TYR: variants seen among roughly 807,000 people sequenced by gnomAD.
TYR encodes tyrosinase, also known as LB24-AB.
A neutral mutation model predicts 51.5 loss-of-function variants in TYR; 58 were observed. The observed-to-expected ratio is 1.13, with a 90% CI of 0.91 to 1.40. The LOEUF is 1.40. Ranked by LOEUF, TYR falls within the 40% of genes most tolerant of loss-of-function variation. TYR has a pLI of 0.00. For synonymous variants in TYR, 263 were observed against 235.2 expected (o/e 1.12, Z -1.08); for missense variants, 732 against 647.4 (o/e 1.13, Z -1.42).
At chr11:89,224,594 T>C (rs1183238330) in intron 2 of TYR, among the ~76,000 whole-genome samples, 1 of 152,178 alleles carries the variant, frequency 6.6e-6, no homozygotes, top group Non-Finnish European at 1.5e-5. Flanking sequence ...CTTTTCCAAA[T>C]GAATCTGATT....
chr11:89,292,197 C>T (rs1388877991), intron 4 of TYR, among the ~76,000 whole-genome samples: 1 of 151,934 alleles, frequency 6.6e-6, no homozygotes, highest in Non-Finnish European at 1.5e-5. Flanking sequence ...TCCACAGCTG[C>T]CATTCAGGGA....
intron 3 of TYR, among the ~76,000 whole-genome samples, chr11:89,243,138 C>T (rs560007709): frequency 7.2e-5 from 11 of 152,232 alleles, no homozygotes; most frequent in East Asian, 5.8e-4. Context: ...TATTCCAGAG[C>T]GGGCATGGCA....
At chr11:89,224,830 A>C (rs1211820650) in intron 2 of TYR, among the ~76,000 whole-genome samples, 1 of 152,166 alleles carries the variant, frequency 6.6e-6, no homozygotes, top group African/African-American at 2.4e-5. Flanking sequence ...AACTTCTTAC[A>C]AGTTGGGTAG....
chr11:89,181,057 C>CT (rs112559831), intron 1 of TYR, among the ~76,000 whole-genome samples: 37 of 151,336 alleles, frequency 2.4e-4, no homozygotes, highest in Admixed American at 7.9e-4. Flanking sequence ...GTTCAAGAGT[C>CT]TTTTTTTTTG....
At chr11:89,248,067 G>T (rs1291533391) in intron 3 of TYR, among the ~76,000 whole-genome samples, 1 of 152,092 alleles carries the variant, frequency 6.6e-6, no homozygotes, top group Admixed American at 6.6e-5. Context: ...CATAATCTCT[G>T]GCAAGCTGCT....
At chr11:89,208,603 G>T (rs572606075) in intron 2 of TYR, among the ~76,000 whole-genome samples, 5 of 152,200 alleles carry the variant, frequency 3.3e-5, no homozygotes, top group Admixed American at 6.5e-5. Flanking sequence ...TAATTATTGT[G>T]CCAGAGAATA....
chr11:89,262,458 AAACTC>A (rs1431440082), intron 3 of TYR, among the ~76,000 whole-genome samples: 1 of 152,020 alleles, frequency 6.6e-6, no homozygotes, highest in Non-Finnish European at 1.5e-5. Context: ...AAATCAAACT[AAACTC>A]AAATAAGAAG....
intron 3 of TYR, among the ~76,000 whole-genome samples, chr11:89,251,761 C>G (rs1240685379): frequency 1.3e-5 from 2 of 151,756 alleles, no homozygotes; most frequent in Admixed American, 1.3e-4. Context: ...TTTTACCAAA[C>G]CAGGAATCAA....
At chr11:89,243,592 A>G (rs1944227740) in intron 3 of TYR, among the ~76,000 whole-genome samples, 1 of 152,208 alleles carries the variant, frequency 6.6e-6, no homozygotes, top group South Asian at 2.1e-4. Context: ...TTCAATTCTC[A>G]TTTTATCTAT....
At chr11:89,186,105 G>A (rs1454522808) in intron 1 of TYR, among the ~76,000 whole-genome samples, 2 of 152,140 alleles carry the variant, frequency 1.3e-5, no homozygotes, top group Non-Finnish European at 2.9e-5. Flanking sequence ...CAGAGTCATG[G>A]AATGGAGAAG....
intron 2 of TYR, among the ~76,000 whole-genome samples, chr11:89,210,696 A>G (rs1279566605): frequency 6.6e-6 from 1 of 152,212 alleles, no homozygotes; most frequent in East Asian, 1.9e-4. Context: ...TGAAGGAAAA[A>G]GTGTTAAAGG....
At chr11:89,290,847 G>A (rs1276450377) in intron 4 of TYR, among the ~76,000 whole-genome samples, 1 of 151,910 alleles carries the variant, frequency 6.6e-6, no homozygotes, top group African/African-American at 2.4e-5. Flanking sequence ...AGTATCTTCT[G>A]TGTATGTTCT....
chr11:89,217,710 G>C (rs1003478647), intron 2 of TYR, among the ~76,000 whole-genome samples: 5 of 152,136 alleles, frequency 3.3e-5, no homozygotes, highest in African/African-American at 1.2e-4. Context: ...CTGAACTTTA[G>C]TTCTGGCCTG....
At chr11:89,244,459 T>C (rs896619692) in intron 3 of TYR, among the ~76,000 whole-genome samples, 3 of 152,218 alleles carry the variant, frequency 2.0e-5, no homozygotes, top group Admixed American at 2.0e-4. Context: ...TTTCTGCAAG[T>C]CTTCAAATTC....
intron 2 of TYR, among the ~76,000 whole-genome samples, chr11:89,193,661 G>A (rs965714785): frequency 6.6e-6 from 1 of 152,084 alleles, no homozygotes; most frequent in Non-Finnish European, 1.5e-5. Context: ...CCTGTTGTAT[G>A]AAGTCCATGT....
chr11:89,199,744 A>G (rs1943572472), intron 2 of TYR, among the ~76,000 whole-genome samples: 1 of 152,174 alleles, frequency 6.6e-6, no homozygotes, highest in Admixed American at 6.5e-5. Context: ...AGTCTTCTCA[A>G]CTTCTCTTAT....
chr11:89,182,193 A>G (rs1397434432), intron 1 of TYR, among the ~76,000 whole-genome samples: 1 of 152,198 alleles, frequency 6.6e-6, no homozygotes, highest in Non-Finnish European at 1.5e-5. Flanking sequence ...TCATTTCTAA[A>G]TATTTTTGTA....
chr11:89,199,902 C>T (rs928679959), intron 2 of TYR, among the ~76,000 whole-genome samples: 1 of 152,050 alleles, frequency 6.6e-6, no homozygotes, highest in East Asian at 1.9e-4. Flanking sequence ...ATTGAGGGTC[C>T]TAGAAGATCT....
chr11:89,214,558 C>G (rs1173831817), intron 2 of TYR, among the ~76,000 whole-genome samples: 1 of 152,154 alleles, frequency 6.6e-6, no homozygotes, highest in East Asian at 1.9e-4. Flanking sequence ...ATATATCATG[C>G]TATTGTAAAG....
Sources: gnomAD v4.1 joint callset for allele counts (sites outside exome capture counted in the v4.1 genomes callset) on GRCh38, gnomAD v4.1.1 for gene constraint, MANE v1.5 for transcripts, NCBI Gene and HGNC (gene_info 2026-07-23, HGNC 2026-07-21) for gene names.